The following PPM1D variants were observed in gnomAD, a reference collection of about 807,000 sequenced individuals.
PPM1D encodes protein phosphatase 1D.
A neutral mutation model predicts 58.3 loss-of-function variants in PPM1D; 52 were observed. That is an observed-to-expected ratio of 0.89 (90% CI 0.71 to 1.12). The LOEUF is 1.12. PPM1D is among the 50% of genes most tolerant of loss of function. PPM1D has a pLI of 0.00. For missense variants in PPM1D, 564 were observed against 777.2 expected (o/e 0.73, Z 3.26); for synonymous variants, 278 against 285.1 (o/e 0.98, Z 0.25).
chr17:60,658,279 C>T (rs2031473895), intron 5 of PPM1D, among the ~76,000 whole-genome samples: 1 of 152,158 alleles, frequency 6.6e-6, no homozygotes, highest in Non-Finnish European at 1.5e-5. Context: ...AAAGGGCATT[C>T]TTAATATTGA....
rs115250348 is a variant in PPM1D at position 60,635,905 on chromosome 17, C to T, written c.826+1928C>T. ...ACATTTTTTATGTACACAGTTCCTC[C>T]GGCTCAGGAACCCGGGGTGACTTAA... On this transcript the variant is annotated intron_variant, in intron 3 of 5. Transcript: ENST00000305921. 7.6e-3 allele frequency among the ~76,000 whole-genome samples: 1,164 copies of T among 152,288 alleles called. 12 individuals carry two copies. Among genetic ancestry groups the T allele is most frequent in the African/African-American group, 0.026 (1,085 of 41,558 alleles).
chr17:60,646,043 C>T (rs1055714122), intron 3 of PPM1D, among the ~76,000 whole-genome samples: 1 of 151,972 alleles, frequency 6.6e-6, no homozygotes, highest in Admixed American at 6.6e-5. Context: ...GAGAGGTTGA[C>T]GTAGGAGGAT....
intron 4 of PPM1D, among the ~76,000 whole-genome samples, chr17:60,654,831 G>A (rs2031405042): frequency 6.7e-6 from 1 of 149,378 alleles, no homozygotes. Context: ...TCTTGCCATT[G>A]CACTCCAGCC....
At chr17:60,622,773 T>C (rs946024033) in intron 1 of PPM1D, among the ~76,000 whole-genome samples, 19 of 152,360 alleles carry the variant, frequency 1.2e-4, no homozygotes, top group Non-Finnish European at 2.5e-4. Flanking sequence ...TGTAATTTGT[T>C]AAGTAGTGAC....
chr17:60,612,547 C>G (rs2030480716), intron 1 of PPM1D, among the ~76,000 whole-genome samples: 1 of 152,068 alleles, frequency 6.6e-6, no homozygotes, highest in Non-Finnish European at 1.5e-5. Context: ...GAATTAAATA[C>G]TATAAATATT....
Position 60,663,327 on chromosome 17 carries a change from A to G in PPM1D, c.1593A>G (p.Pro531=), listed in dbSNP as rs1385739444. The change falls in exon 6 of 6, where the codon CCA becomes CCG. Residue 531 remains proline (P), a synonymous_variant. Transcript: ENST00000305921. ...CCCAAGAAATTGAAAGAACCCCTCC[A>G]ACAAACTTTAAAAGGACATTAGAAG... ...MKAQEIERTP[P]TNFKRTLEES... is the part of the protein sequence containing the mutation. The G allele has an allele frequency of 1.5e-5, 24 of 1,614,208 alleles. No individual in the cohort carries two copies. Among genetic ancestry groups the G allele is most frequent in the Non-Finnish European group, 1.9e-5 (23 of 1,180,024 alleles).
chr17:60,611,433 G>A (rs1338298420), intron 1 of PPM1D, among the ~76,000 whole-genome samples: 1 of 150,980 alleles, frequency 6.6e-6, no homozygotes, highest in Non-Finnish European at 1.5e-5. Context: ...TTTTTGTTTT[G>A]TTGGGTTTTT....
intron 5 of PPM1D, among the ~76,000 whole-genome samples, chr17:60,660,160 A>AG (rs1483601017): frequency 6.6e-6 from 1 of 152,002 alleles, no homozygotes; most frequent in East Asian, 1.9e-4. Flanking sequence ...ACATGGTGAA[A>AG]TCCTGTCTTT....
At chr17:60,628,864 T>G (rs1426200306) in intron 2 of PPM1D, among the ~76,000 whole-genome samples, 1 of 152,160 alleles carries the variant, frequency 6.6e-6, no homozygotes, top group Non-Finnish European at 1.5e-5. Context: ...TGAGAACCAC[T>G]TTGCCAGTAC....
Position 60,600,435 on chromosome 17 carries a change from G to A in PPM1D, c.21G>A (p.Leu7=). 6.4e-7 allele frequency: 1 copy of A among 1,554,964 alleles called. No homozygotes were observed. Among genetic ancestry groups the A allele is most frequent in the South Asian group, 1.2e-5 (1 of 84,440 alleles). ...CGGCCATGGCGGGGCTGTACTCGCT[G>A]GGAGTGAGCGTCTTCTCCGACCAGG... MAGLYS[L]GVSVFSDQGG... is the part of the protein sequence containing the mutation. The change falls in exon 1 of 6, where the codon CTG becomes CTA. Residue 7 remains leucine (L), a synonymous_variant. Coordinates refer to ENST00000305921, the MANE Select transcript of PPM1D (RefSeq NM_003620.4).
rs1167446790 is a variant in PPM1D, at chr17:60,665,008, G to A, written c.*1456G>A. 1 of 146,510 alleles carries A rather than the reference G, an allele frequency of 6.8e-6. No homozygotes were observed. The highest frequency in any genetic ancestry group is 2.6e-5 in the African/African-American group (1 of 38,902). The allele number at this position is 146,510 out of a possible 1,614,324, so 9.1% of individuals were successfully genotyped here. ...TTTTTTTGAGATGGAGTCTAGCTCT[G>A]TCATCCAGGCTGGAGTGCAGTGGTG... On this transcript the variant is annotated 3_prime_UTR_variant, in exon 6 of 6. Coordinates refer to ENST00000305921, the MANE Select transcript of PPM1D (RefSeq NM_003620.4).
intron 5 of PPM1D, among the ~76,000 whole-genome samples, chr17:60,660,812 A>G (rs2031513078): frequency 6.6e-6 from 1 of 152,090 alleles, no homozygotes; most frequent in Admixed American, 6.6e-5. Context: ...CTTTCATTTT[A>G]TTTTTTGAAC....
chr17:60,623,865 A>G, intron 2 of PPM1D, 116 bp downstream of exon 2: 1 of 1,031,412 alleles, frequency 9.7e-7, no homozygotes, highest in Non-Finnish European at 1.4e-6. Flanking sequence ...TTAGTATTAC[A>G]GGTTTTTTAG....
At chr17:60,643,439 A>G (rs927337768) in intron 3 of PPM1D, among the ~76,000 whole-genome samples, 1 of 152,196 alleles carries the variant, frequency 6.6e-6, no homozygotes, top group South Asian at 2.1e-4. Flanking sequence ...AAAATAAAGT[A>G]AAATAAACTG....
intron 1 of PPM1D, among the ~76,000 whole-genome samples, chr17:60,618,800 A>G (rs1327412304): frequency 3.3e-5 from 5 of 152,154 alleles, no homozygotes; most frequent in African/African-American, 1.2e-4. Flanking sequence ...AAGATGTGCA[A>G]TGTGATAGAT....
At chr17:60,608,495 G>T (rs1379901786) in intron 1 of PPM1D, among the ~76,000 whole-genome samples, 1 of 152,048 alleles carries the variant, frequency 6.6e-6, no homozygotes, top group Non-Finnish European at 1.5e-5. Flanking sequence ...CAAAAAATTA[G>T]CTGGGTGTGG....
At chr17:60,601,021 A>G (rs1433030161) in intron 1 of PPM1D, 135 bp downstream of exon 1, 1 of 1,321,732 alleles carries the variant, frequency 7.6e-7, no homozygotes, top group Non-Finnish European at 1.0e-6. Flanking sequence ...TAAAAGCTGT[A>G]ATAGCGCTTT....
In PPM1D at chr17:60,635,532, A is replaced by G. The variant is rs778004273; in HGVS notation, c.826+1555A>G. On this transcript the variant is annotated intron_variant, in intron 3 of 5. Coordinates refer to ENST00000305921, the MANE Select transcript of PPM1D (RefSeq NM_003620.4). ...GCCTGGCAAGATTTCTTTAAGATAC[A>G]TAACTAGAAATGGAATTTCTGGGTC... Among the ~76,000 whole-genome samples, 142 of 152,210 alleles carry G rather than the reference A, an allele frequency of 9.3e-4. 1 individual carries two copies. The highest frequency in any genetic ancestry group is 1.4e-3 in the Non-Finnish European group (92 of 68,036).
rs1195769411 is a variant in PPM1D at position 60,646,564 on chromosome 17, C to T, written c.827-1328C>T. Among the ~76,000 whole-genome samples the T allele has an allele frequency of 2.6e-5, 4 of 152,176 alleles. No homozygotes were observed. The East Asian group carries it at 7.7e-4, about 29-fold the overall frequency. The stretch of plus-strand genomic sequence containing the variant: ...ATTAATGTTTTCTCCTTTCTGTCTC[C>T]TCTTCCACATTTATTGGAAACAGAA... On this transcript the variant is annotated intron_variant, in intron 3 of 5. Transcript: ENST00000305921.
Sources: gnomAD v4.1 joint callset for allele counts (sites outside exome capture counted in the v4.1 genomes callset) on GRCh38, gnomAD v4.1.1 for gene constraint, MANE v1.5 for transcripts, NCBI Gene and HGNC (gene_info 2026-07-23, HGNC 2026-07-21) for gene names.